Variants in RBFOX1 observed in about 807,000 individuals in gnomAD.
The protein encoded by RBFOX1 is RNA binding fox-1 homolog 1.
Under a neutral mutation model 57.7 loss-of-function variants are expected in RBFOX1, and 8 were observed. The observed-to-expected ratio is 0.14, with a 90% confidence interval of 0.08 to 0.25. RBFOX1 has a LOEUF of 0.25. Among genes scored for constraint, RBFOX1 ranks in the 10% least tolerant of loss-of-function variants. The pLI is 1.00. For synonymous variants in RBFOX1, 326 were observed against 222.4 expected (o/e 1.47, Z -4.15); for missense variants, 611 against 548.5 (o/e 1.11, Z -1.14).
chr16:7,326,166 G>A (rs1020267347), intron 4 of RBFOX1, among the ~76,000 whole-genome samples: 1 of 152,212 alleles, frequency 6.6e-6, no homozygotes, highest in African/African-American at 2.4e-5. Flanking sequence ...TCTGTGCCCA[G>A]TCCTGGGTGA....
In RBFOX1 at chr16:6,561,819, A is replaced by C. The variant is rs573103190; in HGVS notation, c.-63-92784A>C. 8.0e-4 allele frequency among the ~76,000 whole-genome samples: 122 copies of C among 152,274 alleles called. 3 individuals carry two copies. In the South Asian group the frequency reaches 0.025, roughly 31 times the overall value. ...GAACATGTGTAGGGGCCAGTTTTTT[A>C]GTTGCTAACCTCATGGCCTTGGAGG... is the stretch of plus-strand genomic sequence containing the variant. On this transcript the variant is annotated intron_variant, in intron 2 of 15. Coordinates refer to ENST00000550418, the MANE Select transcript of RBFOX1 (RefSeq NM_018723.4).
intron 2 of RBFOX1, among the ~76,000 whole-genome samples, chr16:6,572,634 C>A (rs757528894): frequency 2.6e-5 from 4 of 151,974 alleles, no homozygotes; most frequent in Non-Finnish European, 2.9e-5. Context: ...ACTCTGTCAC[C>A]CAGGCTGGAG....
intron 2 of RBFOX1, among the ~76,000 whole-genome samples, chr16:6,595,101 A>G (rs983587964): frequency 6.6e-6 from 1 of 152,072 alleles, no homozygotes; most frequent in Non-Finnish European, 1.5e-5. Context: ...GTGGTTTTTA[A>G]TGTATTCACA....
At chr16:6,030,947 T>C (rs1242213121) in intron 1 of RBFOX1, among the ~76,000 whole-genome samples, 3 of 152,162 alleles carry the variant, frequency 2.0e-5, no homozygotes, top group Non-Finnish European at 2.9e-5. Flanking sequence ...TTGACCAATA[T>C]TGACATCATC....
intron 3 of RBFOX1, among the ~76,000 whole-genome samples, chr16:6,662,953 G>A (rs1422878763): frequency 6.6e-6 from 1 of 152,218 alleles, no homozygotes; most frequent in Non-Finnish European, 1.5e-5. Flanking sequence ...TAAAAATTGT[G>A]AGTATGGATC....
At chr16:5,454,941 TCCTTCCTTC>T (rs2068567836) in intron 1 of RBFOX1, among the ~76,000 whole-genome samples, 1 of 51,138 alleles carries the variant, frequency 2.0e-5, no homozygotes, top group African/African-American at 7.1e-5. Flanking sequence ...CTTCCTTCCT[TCCTTCCTTC>T]CTTCCTTCCT....
chr16:7,300,233 A>G (rs915321183), intron 4 of RBFOX1, among the ~76,000 whole-genome samples: 1 of 151,368 alleles, frequency 6.6e-6, no homozygotes, highest in African/African-American at 2.4e-5. Flanking sequence ...CCCACCCACT[A>G]GAATGTAAAC....
At chr16:6,824,918 C>A (rs907736217) in intron 3 of RBFOX1, among the ~76,000 whole-genome samples, 1 of 149,238 alleles carries the variant, frequency 6.7e-6, no homozygotes, top group Admixed American at 6.8e-5. Flanking sequence ...TCCCTAGAGG[C>A]AACCATTGGT....
At chr16:7,587,170 G>C in intron 6 of RBFOX1, 77 bp from the exon 7 acceptor site, 1 of 1,326,980 alleles carries the variant, frequency 7.5e-7, no homozygotes, top group Non-Finnish European at 9.7e-7. Context: ...ATGGACGTGG[G>C]AAACAATTAC....
chr16:6,221,395 C>G (rs911002205), intron 1 of RBFOX1, among the ~76,000 whole-genome samples: 7 of 152,070 alleles, frequency 4.6e-5, no homozygotes, highest in African/African-American at 1.7e-4. Flanking sequence ...AGAGGCCTGC[C>G]TTGTGTTTTA....
chr16:6,072,495 A>G (rs893209610), intron 1 of RBFOX1, among the ~76,000 whole-genome samples: 2 of 152,120 alleles, frequency 1.3e-5, no homozygotes, highest in African/African-American at 2.4e-5. Flanking sequence ...TCACCTGGTA[A>G]TCACATTTTT....
chr16:6,861,660 A>G (rs942125124), intron 3 of RBFOX1, among the ~76,000 whole-genome samples: 4 of 151,284 alleles, frequency 2.6e-5, no homozygotes, highest in Non-Finnish European at 4.4e-5. Context: ...TTGGCATGCA[A>G]CCTCCTCTAT....
chr16:5,292,785 G>A (rs1308348292), intron 1 of RBFOX1, among the ~76,000 whole-genome samples: 1 of 151,858 alleles, frequency 6.6e-6, no homozygotes, highest in Non-Finnish European at 1.5e-5. Flanking sequence ...CACCACGCCC[G>A]GCTAATTTTT....
intron 4 of RBFOX1, among the ~76,000 whole-genome samples, chr16:7,306,305 G>T (rs1216710682): frequency 6.6e-6 from 1 of 152,124 alleles, no homozygotes; most frequent in Non-Finnish European, 1.5e-5. Context: ...AAACATATAA[G>T]ATAAACACAA....
chr16:7,658,805 ACCT>A (rs938723525), intron 12 of RBFOX1, among the ~76,000 whole-genome samples: 60 of 152,120 alleles, frequency 3.9e-4, no homozygotes, highest in African/African-American at 1.4e-3. Flanking sequence ...GCTCACTGCA[ACCT>A]CCTCCTCCTG....
chr16:6,337,559 C>T (rs1567965495), intron 2 of RBFOX1, among the ~76,000 whole-genome samples: 3 of 152,258 alleles, frequency 2.0e-5, no homozygotes, highest in South Asian at 4.1e-4. Context: ...AATTGTACAC[C>T]TGGATGCCAC....
At chr16:5,395,666 G>A (rs1225060617) in intron 1 of RBFOX1, among the ~76,000 whole-genome samples, 1 of 152,214 alleles carries the variant, frequency 6.6e-6, no homozygotes, top group Non-Finnish European at 1.5e-5. Flanking sequence ...GATGGGACCT[G>A]TGACTTGTTT....
intron 3 of RBFOX1, among the ~76,000 whole-genome samples, chr16:5,807,329 A>G (rs957484034): frequency 6.6e-6 from 1 of 151,862 alleles, no homozygotes; most frequent in African/African-American, 2.4e-5. Flanking sequence ...CTCTCTTAGT[A>G]TTTCCTTCAC....
At chr16:5,832,228 G>T (rs1373365756) in intron 3 of RBFOX1, among the ~76,000 whole-genome samples, 1 of 152,244 alleles carries the variant, frequency 6.6e-6, no homozygotes, top group East Asian at 1.9e-4. Flanking sequence ...GGGTAGCTCA[G>T]ATCATGCCCC....
Sources: allele counts gnomAD v4.1 joint callset (sites outside exome capture counted in the v4.1 genomes callset), GRCh38; gene constraint gnomAD v4.1.1; transcripts MANE v1.5; gene names NCBI Gene and HGNC (gene_info 2026-07-23, HGNC 2026-07-21).